The following KCTD8 variants were observed in gnomAD, a reference collection of about 807,000 sequenced individuals.
The protein encoded by KCTD8 is BTB/POZ domain-containing protein KCTD8.
Under a neutral mutation model 31.5 loss-of-function variants are expected in KCTD8, and 27 were observed. The ratio of observed to expected loss-of-function variants is 0.86; its 90% CI spans 0.63 to 1.18. The LOEUF is 1.18. Ranked by LOEUF, KCTD8 falls within the 50% of genes most tolerant of loss-of-function variation. KCTD8 has a pLI of 0.00. For synonymous variants in KCTD8, 290 were observed against 280.0 expected, an observed-to-expected ratio of 1.04 and a Z score of -0.36; for missense variants, 658 against 647.7, an observed-to-expected ratio of 1.02 and a Z score of -0.17.
intron 1 of KCTD8, among the ~76,000 whole-genome samples, chr4:44,252,389 G>A (rs1411879159): frequency 6.6e-6 from 1 of 151,732 alleles, no homozygotes; most frequent in Non-Finnish European, 1.5e-5. Context: ...TAGTGGGATT[G>A]CTGGATCAAA....
chr4:44,192,113 T>G (rs111439908), intron 1 of KCTD8, among the ~76,000 whole-genome samples: 3,517 of 152,318 alleles, frequency 0.023, 141 homozygotes, highest in African/African-American at 0.08. Context: ...GAATATGCAT[T>G]GAAATATTGG....
intron 1 of KCTD8, among the ~76,000 whole-genome samples, chr4:44,385,555 A>G (rs1355286795): frequency 1.3e-5 from 2 of 151,650 alleles, no homozygotes; most frequent in Admixed American, 1.3e-4. Flanking sequence ...ATTATCTCAA[A>G]ATGGATCAAA....
At chr4:44,307,290 C>T (rs1717831677) in intron 1 of KCTD8, among the ~76,000 whole-genome samples, 1 of 151,904 alleles carries the variant, frequency 6.6e-6, no homozygotes, top group Non-Finnish European at 1.5e-5. Flanking sequence ...TAATAATAAT[C>T]ACATAATTTC....
At chr4:44,374,039 T>C (rs1182530579) in intron 1 of KCTD8, among the ~76,000 whole-genome samples, 1 of 152,170 alleles carries the variant, frequency 6.6e-6, no homozygotes, top group Non-Finnish European at 1.5e-5. Context: ...TAAGGGAAGA[T>C]TACAACCTTC....
Position 44,219,996 on chromosome 4 carries a change from G to A in KCTD8, c.962-44746C>T, listed in dbSNP as rs546709116. ...TAGTAAACAAAAACTATTATTTGAA[G>A]CATGCCCATTCTGTTTTAGAAGTAA... On this transcript the variant is annotated intron_variant, in intron 1 of 1. Coordinates refer to ENST00000360029, the MANE Select transcript of KCTD8 (RefSeq NM_198353.3). Among the ~76,000 whole-genome samples the A allele has an allele frequency of 3.4e-4, 51 of 152,218 alleles. 1 individual carries two copies. The highest frequency in any genetic ancestry group is 1.1e-3 in the African/African-American group (46 of 41,518).
At chr4:44,424,675 TA>T (rs1721302594) in intron 1 of KCTD8, among the ~76,000 whole-genome samples, 1 of 151,970 alleles carries the variant, frequency 6.6e-6, no homozygotes, top group Admixed American at 6.6e-5. Context: ...AATGTTTCCC[TA>T]AAAAATCAAC....
chr4:44,266,461 G>A (rs1188550681), intron 1 of KCTD8, among the ~76,000 whole-genome samples: 19 of 152,270 alleles, frequency 1.2e-4, no homozygotes, highest in African/African-American at 2.6e-4. Context: ...AAAGATCATC[G>A]AGTCTAGGAA....
chr4:44,201,422 A>C, intron 1 of KCTD8, among the ~76,000 whole-genome samples: 1 of 152,270 alleles, frequency 6.6e-6, no homozygotes, highest in African/African-American at 2.4e-5. Context: ...ATAAGGCTAT[A>C]ATAACCAAAA....
At chr4:44,444,110 C>G (rs990758115) in intron 1 of KCTD8, among the ~76,000 whole-genome samples, 1 of 152,068 alleles carries the variant, frequency 6.6e-6, no homozygotes. Context: ...CCAAATAAAG[C>G]TGATATTAAA....
intron 1 of KCTD8, among the ~76,000 whole-genome samples, chr4:44,415,487 C>G (rs933569195): frequency 6.6e-6 from 1 of 152,120 alleles, no homozygotes; most frequent in Non-Finnish European, 1.5e-5. Context: ...GTCTTCAAGT[C>G]TTCTAGACAG....
At chr4:44,380,641 A>C (rs2109442431) in intron 1 of KCTD8, among the ~76,000 whole-genome samples, 1 of 152,042 alleles carries the variant, frequency 6.6e-6, no homozygotes, top group South Asian at 2.1e-4. Flanking sequence ...AGTTTCCACA[A>C]CGCTTCTGTG....
At chr4:44,176,093 C>A (rs762485142) in intron 1 of KCTD8, among the ~76,000 whole-genome samples, 10 of 152,196 alleles carry the variant, frequency 6.6e-5, no homozygotes, top group Admixed American at 3.9e-4. Flanking sequence ...TTATTAAACA[C>A]TACCACATAC....
chr4:44,385,337 C>T (rs1720181547), intron 1 of KCTD8, among the ~76,000 whole-genome samples: 2 of 151,736 alleles, frequency 1.3e-5, no homozygotes, highest in South Asian at 2.1e-4. Context: ...CAGTGTGATA[C>T]TGGCATAAAG....
At chr4:44,441,559 C>T (rs2109484602) in intron 1 of KCTD8, among the ~76,000 whole-genome samples, 1 of 152,180 alleles carries the variant, frequency 6.6e-6, no homozygotes, top group East Asian at 1.9e-4. Context: ...AATATATTTG[C>T]CAAATTGACT....
intron 1 of KCTD8, among the ~76,000 whole-genome samples, chr4:44,275,860 A>G (rs1217596912): frequency 6.6e-6 from 1 of 152,048 alleles, no homozygotes; most frequent in East Asian, 1.9e-4. Flanking sequence ...AGAAAATAGG[A>G]ATGATGCTGC....
At chr4:44,353,493 A>G (rs1290724842) in intron 1 of KCTD8, among the ~76,000 whole-genome samples, 2 of 152,044 alleles carry the variant, frequency 1.3e-5, no homozygotes, top group Non-Finnish European at 2.9e-5. Context: ...CTACTCTATT[A>G]TCTTTAAATA....
chr4:44,182,609 C>T (rs1364968191), intron 1 of KCTD8, among the ~76,000 whole-genome samples: 1 of 152,092 alleles, frequency 6.6e-6, no homozygotes, highest in Non-Finnish European at 1.5e-5. Context: ...TAAGAGTCAT[C>T]AGCACTCCCT....
chr4:44,405,241 TTTTGTTTGTTTG>T (rs113965031), intron 1 of KCTD8, among the ~76,000 whole-genome samples: 7 of 149,410 alleles, frequency 4.7e-5, no homozygotes, highest in African/African-American at 9.9e-5. Flanking sequence ...AGCCAGGTGT[TTTTGTTTGTTTG>T]TTTGTTTGTT....
chr4:44,327,719 A>G (rs1031722927), intron 1 of KCTD8, among the ~76,000 whole-genome samples: 7 of 151,912 alleles, frequency 4.6e-5, no homozygotes, highest in Admixed American at 1.3e-4. Flanking sequence ...CAGATTTTCC[A>G]CCATCTAGCT....
Sources: gnomAD v4.1 joint callset for allele counts (sites outside exome capture counted in the v4.1 genomes callset) on GRCh38, gnomAD v4.1.1 for gene constraint, MANE v1.5 for transcripts, NCBI Gene and HGNC (gene_info 2026-07-23, HGNC 2026-07-21) for gene names.